Variants in IFT140 observed in about 807,000 individuals in gnomAD.
IFT140 encodes intraflagellar transport 140.
Under a neutral mutation model 164.6 loss-of-function variants are expected in IFT140, and 133 were observed. The observed-to-expected ratio is 0.81, with a 90% CI of 0.70 to 0.93. The LOEUF (loss-of-function observed/expected upper bound fraction) is 0.93, where lower values mean the gene tolerates loss of function less well. IFT140 is among the 40% of genes least tolerant of loss of function. The pLI is 0.00. For missense variants in IFT140, 2,045 were observed against 1,972.3 expected (o/e 1.04, Z -0.70); for synonymous variants, 860 against 817.3 (o/e 1.05, Z -0.89).
chr16:1,527,047 T>G, intron 19 of IFT140: 3 of 503,738 alleles, frequency 6.0e-6, no homozygotes, highest in Non-Finnish European at 3.5e-6. Context: ...GAAGGATCTC[T>G]TATGCAGATC....
At chr16:1,518,130 A>T in intron 30 of IFT140, 86 bp downstream of exon 30, 1 of 1,393,434 alleles carries the variant, frequency 7.2e-7, no homozygotes, top group Non-Finnish European at 9.9e-7. Flanking sequence ...GAGCCGCCAC[A>T]CACAGCCTCA....
At position 1,553,655 on chromosome 16, in the gene IFT140, T is replaced by C. The variant is rs1017968316; in HGVS notation, c.2399+4280A>G. On this transcript the variant is annotated intron_variant, in intron 19 of 30. Transcript: ENST00000426508. The surrounding 1 kb of genome is among the most constrained non-coding windows in gnomAD (Gnocchi z 4.4). ...TACTGTAACAGAGAGGGAGGGGTGCTGGGTGGGCAGAAGCGGGGCTGGGGC... is the reference window on the plus strand; with the variant it reads ...TACTGTAACAGAGAGGGAGGGGTGCCGGGTGGGCAGAAGCGGGGCTGGGGC... 3.6e-5 allele frequency: 36 copies of C among 1,001,806 alleles called. No homozygotes were observed. Among genetic ancestry groups the C allele is most frequent in the Admixed American group, 9.2e-5 (2 of 21,728 alleles). The allele number at this position is 1,001,806 out of a possible 1,614,324, so 62.1% of individuals were successfully genotyped here.
chr16:1,554,653 C>A lies in IFT140; in HGVS notation c.2399+3282G>T, dbSNP rs879416247. ...TGGGGAAGGATAAAGCAGGCTGGAA[C>A]CCGCTCTAGGACAGAGGGCTGGGGA... On this transcript the variant is annotated intron_variant, in intron 19 of 30. Transcript: ENST00000426508. 2.6e-4 allele frequency: 353 copies of A among 1,377,452 alleles called. 2 individuals are homozygous for A. The highest frequency in any genetic ancestry group is 8.9e-4 in the Middle Eastern group (4 of 4,488). 85.3% of individuals were successfully genotyped at this position (1,377,452 alleles called of 1,614,324 possible). A position where few individuals can be genotyped will look rare whatever the true frequency, so the allele number is the denominator to read the frequency against.
intron 19 of IFT140, among the ~76,000 whole-genome samples, chr16:1,528,183 G>T (rs954513671): frequency 2.0e-5 from 3 of 152,126 alleles, no homozygotes; most frequent in African/African-American, 7.2e-5. Flanking sequence ...TCAGACAAAG[G>T]CCCTGTTCCA....
At chr16:1,573,767 C>T (rs1052926847) in intron 13 of IFT140, among the ~76,000 whole-genome samples, 3 of 152,206 alleles carry the variant, frequency 2.0e-5, no homozygotes, top group African/African-American at 4.8e-5. Flanking sequence ...TCTCCTGCGG[C>T]GTCTCCCACA....
intron 3 of IFT140, among the ~76,000 whole-genome samples, chr16:1,605,655 C>T (rs1396984161): frequency 3.3e-5 from 5 of 152,104 alleles, no homozygotes; most frequent in Non-Finnish European, 7.3e-5. Context: ...CCACCCACCC[C>T]GGCCTCCCAA....
intron 19 of IFT140, chr16:1,555,011 G>T (rs1351176995): frequency 1.2e-6 from 2 of 1,611,536 alleles, no homozygotes; most frequent in Non-Finnish European, 8.5e-7. Flanking sequence ...ATGACTACGT[G>T]GAGTCACCAT....
At chr16:1,580,123 CATAG>C (rs1733001578) in intron 13 of IFT140, 1 of 152,240 alleles carries the variant, frequency 6.6e-6, no homozygotes, top group African/African-American at 2.4e-5. Context: ...ATTTTCTTTT[CATAG>C]CCCCGTGTAT....
intron 3 of IFT140, among the ~76,000 whole-genome samples, chr16:1,606,317 G>A (rs2036058463): frequency 6.6e-6 from 1 of 152,228 alleles, no homozygotes; most frequent in South Asian, 2.1e-4. Flanking sequence ...TGAACTGATA[G>A]TGGCTTAATG....
In IFT140 at chr16:1,557,919, T is replaced by C. The variant is rs1454753656; in HGVS notation, c.2399+16A>G. ...CACGCGCTATCTCCCAACATCCCAGTGGTCGGGATCCTCACCTTTTGATGA... is the reference window on the plus strand; with the variant it reads ...CACGCGCTATCTCCCAACATCCCAGCGGTCGGGATCCTCACCTTTTGATGA... On this transcript the variant is annotated intron_variant, in intron 19 of 30. Coordinates refer to ENST00000426508, the MANE Select transcript of IFT140 (RefSeq NM_014714.4). 1 of 1,609,770 alleles carries C rather than the reference T, an allele frequency of 6.2e-7. No homozygotes were observed. The highest frequency in any genetic ancestry group is 2.2e-5 in the East Asian group (1 of 44,812).
At chr16:1,596,043 G>T (rs548975991) in intron 4 of IFT140, among the ~76,000 whole-genome samples, 1 of 152,306 alleles carries the variant, frequency 6.6e-6, no homozygotes, top group Non-Finnish European at 1.5e-5. Context: ...GTGACAGAGT[G>T]AGGCTCCGTC....
Position 1,604,524 on chromosome 16 carries a change from C to G in IFT140, c.148-1933G>C, listed in dbSNP as rs138669173. On this transcript the variant is annotated intron_variant, in intron 3 of 30. Coordinates refer to ENST00000426508, the MANE Select transcript of IFT140 (RefSeq NM_014714.4). ...AGGTGACAGAGCCAGACCTGGGAGG[C>G]GCTAGGGGCCACATCAGGGACTCCA... The G allele has an allele frequency of 2.9e-3, 437 of 152,402 alleles. 4 individuals carry two copies. Among genetic ancestry groups the G allele is most frequent in the South Asian group, 0.02 (95 of 4,830 alleles). The allele number at this position is 152,402 out of a possible 1,614,324, so 9.4% of individuals were successfully genotyped here.
intron 4 of IFT140, among the ~76,000 whole-genome samples, chr16:1,594,715 G>C (rs977282052): frequency 1.3e-5 from 2 of 152,242 alleles, no homozygotes; most frequent in African/African-American, 4.8e-5. Context: ...CGGCTCCACA[G>C]GGACAGCCGG....
At position 1,580,743 on chromosome 16, in the gene IFT140, T is replaced by C. The variant is rs2034513209; in HGVS notation, c.1524+16A>G. On this transcript the variant is annotated intron_variant, in intron 13 of 30. Transcript: ENST00000426508. ...AAACTCTGCTCTGGTTTTCTTGCAG[T>C]GGAGCAGCAACTTACCTGCCAGGTT... is the stretch of plus-strand genomic sequence containing the variant. 3.2e-6 allele frequency: 5 copies of C among 1,585,666 alleles called. No individual in the cohort carries two copies. The highest frequency in any genetic ancestry group is 1.7e-5 in the Admixed American group (1 of 59,938).
chr16:1,548,928 T>C (rs1361397320), intron 19 of IFT140, among the ~76,000 whole-genome samples: 2 of 152,236 alleles, frequency 1.3e-5, no homozygotes, highest in African/African-American at 4.8e-5. Flanking sequence ...CACGGAAGGT[T>C]CCCTCATGCC....
chr16:1,576,286 T>TAAA (rs35262072), intron 13 of IFT140, among the ~76,000 whole-genome samples: 9 of 115,378 alleles, frequency 7.8e-5, no homozygotes, highest in Admixed American at 2.7e-4. Context: ...ACTCTGTCTT[T>TAAA]AAAAAAAAAA....
intron 24 of IFT140, chr16:1,524,341 G>A: frequency 1.5e-6 from 1 of 672,630 alleles, no homozygotes; most frequent in Non-Finnish European, 2.4e-6. Context: ...AACATCTGGG[G>A]ACAATTCAGT....
chr16:1,561,205 C>T (rs1596367293), intron 18 of IFT140, among the ~76,000 whole-genome samples: 1 of 152,382 alleles, frequency 6.6e-6, no homozygotes, highest in African/African-American at 2.4e-5. Flanking sequence ...TCCACCGTGT[C>T]TCAGAATGCT....
Position 1,571,412 on chromosome 16 carries a change from G to A in IFT140, c.1647C>T (p.Ser549=). Residue 549 remains serine (S), a synonymous_variant, in exon 14 of 31, where the codon TCC becomes TCT. Coordinates refer to ENST00000426508, the MANE Select transcript of IFT140 (RefSeq NM_014714.4). ...DLAHFKSFDL[S]RREAKAHCSC... ...TATTTGGAAAAAAAATTTACCTTCG[G>A]GAAAGATCAAAGCTTTTAAAGTGAG... is the stretch of plus-strand genomic sequence containing the variant. 1 of 1,609,756 alleles carries A rather than the reference G, an allele frequency of 6.2e-7. No individual in the cohort carries two copies.
Sources: allele counts gnomAD v4.1 joint callset (sites outside exome capture counted in the v4.1 genomes callset), GRCh38; gene constraint gnomAD v4.1.1; non-coding constraint Gnocchi (gnomAD v3.1); transcripts MANE v1.5; gene names NCBI Gene and HGNC (gene_info 2026-07-23, HGNC 2026-07-21).